FOXL2NB: variants seen among roughly 807,000 people sequenced by gnomAD.
FOXL2NB encodes the protein FOXL2 neighbor.
A neutral mutation model predicts 7.4 loss-of-function variants in FOXL2NB; 10 were observed. That is an observed-to-expected ratio of 1.34 (90% confidence interval 0.83 to 2.28). The LOEUF is 2.28. FOXL2NB is among the 30% of genes most tolerant of loss of function. FOXL2NB has a pLI of 0.00. For missense variants in FOXL2NB, 228 were observed against 233.9 expected (o/e 0.97, Z 0.17); for synonymous variants, 104 against 105.3 (o/e 0.99, Z 0.08).
rs1936015376 is a variant in FOXL2NB at position 138,947,553 on chromosome 3, AG to A, written c.100+94del. Reference sequence around the variant, plus strand: ...GGGGCTGGGGAGGGGCGAGACGGCGAGGGGGCTGGACGGGGTAGGGTGGGGA... The same window carrying A: ...GGGGCTGGGGAGGGGCGAGACGGCGAGGGGCTGGACGGGGTAGGGTGGGGA... On this transcript the variant is annotated intron_variant, in intron 1 of 2. Transcript: ENST00000383165. The surrounding 1 kb of genome is among the most constrained non-coding windows in gnomAD (Gnocchi z 5.2). The A allele has an allele frequency of 2.9e-6, 3 of 1,022,344 alleles. No individual in the cohort carries two copies. The South Asian group carries it at 4.6e-5, about 16-fold the overall frequency. The allele number at this position is 1,022,344 out of a possible 1,614,324, so 63.3% of individuals were successfully genotyped here.
rs1028208199 is a variant in FOXL2NB at position 138,949,242 on chromosome 3, GTCTT to G, written c.101-269_101-266del. 2.6e-5 allele frequency among the ~76,000 whole-genome samples: 4 copies of G among 151,268 alleles called. No individual in the cohort carries two copies. In the South Asian group the frequency reaches 6.3e-4, roughly 24 times the overall value. On this transcript the variant is annotated intron_variant, in intron 1 of 2. Transcript: ENST00000383165. This position sits in a 1 kb window ranked among gnomAD's most constrained non-coding sequence, Gnocchi z 4.5. ...CCAGGCTGGCTCTCTGCGTCTCTCTGTCTTTCTTTCTTCTTCTCACAGGCATTTC... is the reference window on the plus strand; with the variant it reads ...CCAGGCTGGCTCTCTGCGTCTCTCTGTCTTTCTTCTTCTCACAGGCATTTC...
chr3:138,948,376 T>G (rs1030767630), intron 1 of FOXL2NB, among the ~76,000 whole-genome samples: 3 of 152,250 alleles, frequency 2.0e-5, no homozygotes, highest in Non-Finnish European at 4.4e-5. Context: ...TATTTCAGCA[T>G]GTACAGAGAT....
chr3:138,950,665 C>T lies in FOXL2NB; in HGVS notation c.*93C>T. On this transcript the variant is annotated 3_prime_UTR_variant, in exon 3 of 3. Transcript: ENST00000383165. ...CCTTTGCACCCACACCTCAGGGACT[C>T]GGTGTCCCTCCACTCAGGTCACGTT... is the stretch of plus-strand genomic sequence containing the variant. The T allele has an allele frequency of 2.2e-6, 3 of 1,341,942 alleles. No individual in the cohort carries two copies. Among genetic ancestry groups the T allele is most frequent in the Non-Finnish European group, 3.1e-6 (3 of 955,140 alleles). 83.1% of individuals were successfully genotyped at this position (1,341,942 alleles called of 1,614,324 possible).
In FOXL2NB at chr3:138,950,250, C is replaced by G. The variant is rs546476690; in HGVS notation, c.221-15C>G. On this transcript the variant is annotated splice_polypyrimidine_tract_variant and intron_variant, in intron 2 of 2. Transcript: ENST00000383165. The stretch of plus-strand genomic sequence containing the variant: ...GCAATCTACACGGCTCTGATACAGA[C>G]GCTTTTCTCCCCAGGGCCGGGAATC... The G allele has an allele frequency of 8.1e-6, 13 of 1,601,804 alleles. No homozygotes were observed. Among genetic ancestry groups the G allele is most frequent in the South Asian group, 5.6e-5 (5 of 89,576 alleles).
rs1166721258 is a variant in FOXL2NB, at chr3:138,949,685, G to A, written c.220+46G>A. 2 of 1,613,204 alleles carry A rather than the reference G, an allele frequency of 1.2e-6. No homozygotes were observed. Among genetic ancestry groups the A allele is most frequent in the Non-Finnish European group, 1.7e-6 (2 of 1,179,710 alleles). The stretch of plus-strand genomic sequence containing the variant: ...AAGCTGGCAGAATGATTACTTTCAG[G>A]TCCCCTCCAGGCTTCTGCGGAAAAG... On this transcript the variant is annotated intron_variant, in intron 2 of 2. Coordinates refer to ENST00000383165, the MANE Select transcript of FOXL2NB (RefSeq NM_001040061.3). The surrounding 1 kb of genome is among the most constrained non-coding windows in gnomAD (Gnocchi z 4.5).
chr3:138,950,269 G>T lies in FOXL2NB; in HGVS notation c.225G>T (p.Pro75=). Residue 75 remains proline, a synonymous_variant, in exon 3 of 3, where the codon CCG becomes CCT. Coordinates refer to ENST00000383165, the MANE Select transcript of FOXL2NB (RefSeq NM_001040061.3). The part of the protein sequence containing the change: ...VRHSKAQKTG[P]GILQQRQKPP... ...TACAGACGCTTTTCTCCCCAGGGCC[G>T]GGAATCCTGCAACAGCGGCAGAAGC... 6.2e-7 allele frequency: 1 copy of T among 1,603,540 alleles called. No individual in the cohort carries two copies. Among genetic ancestry groups the T allele is most frequent in the Non-Finnish European group, 8.5e-7 (1 of 1,176,980 alleles).
At position 138,949,423 on chromosome 3, in the gene FOXL2NB, T is replaced by C. The variant is rs1576471960; in HGVS notation, c.101-97T>C. On this transcript the variant is annotated intron_variant, in intron 1 of 2. Transcript: ENST00000383165. This position sits in a 1 kb window ranked among gnomAD's most constrained non-coding sequence, Gnocchi z 4.5. ...GTGTGTGTGTGTGTGTGTGTAGGGGTTGGGGGCAAATGAAGGAGTTCCTCT... is the reference window on the plus strand; with the variant it reads ...GTGTGTGTGTGTGTGTGTGTAGGGGCTGGGGGCAAATGAAGGAGTTCCTCT... 1 of 1,353,596 alleles carries C rather than the reference T, an allele frequency of 7.4e-7. No individual in the cohort carries two copies. Among genetic ancestry groups the C allele is most frequent in the Non-Finnish European group, 1.0e-6 (1 of 987,454 alleles). 83.8% of individuals were successfully genotyped at this position (1,353,596 alleles called of 1,614,324 possible).
At position 138,950,394 on chromosome 3, in the gene FOXL2NB, G is replaced by A. The variant is rs201515778; in HGVS notation, c.350G>A (p.Arg117His). 1.9e-4 allele frequency: 304 copies of A among 1,613,188 alleles called. 1 individual carries two copies. The African/African-American group carries it at 3.7e-3, about 20-fold the overall frequency. ...TCGCTAGAACCACTCAGCTCGTCCC[G>A]CGCCGCCGCCGGCTGCCTGAACCAG... is the stretch of plus-strand genomic sequence containing the variant. ...SASLEPLSSS[R>H]AAAGCLNQVP... is the part of the protein sequence containing the mutation. Residue 117 changes from arginine to histidine, a missense_variant, in exon 3 of 3, where the codon CGC becomes CAC. Transcript: ENST00000383165.
Position 138,947,476 on chromosome 3 carries a change from C to T in FOXL2NB, c.100+12C>T. On this transcript the variant is annotated intron_variant, in intron 1 of 2. Coordinates refer to ENST00000383165, the MANE Select transcript of FOXL2NB (RefSeq NM_001040061.3). The surrounding 1 kb of genome is among the most constrained non-coding windows in gnomAD (Gnocchi z 5.2). Reference sequence around the variant, plus strand: ...CTCGCGGCTTTCAGGTGAAAGAAAACGACTCCTTTGCTCTGCCGTTTGCTG... The same window carrying T: ...CTCGCGGCTTTCAGGTGAAAGAAAATGACTCCTTTGCTCTGCCGTTTGCTG... 2.6e-6 allele frequency: 4 copies of T among 1,538,328 alleles called. No individual in the cohort carries two copies. Among genetic ancestry groups the T allele is most frequent in the Non-Finnish European group, 2.6e-6 (3 of 1,138,762 alleles).
chr3:138,950,482 G>A lies in FOXL2NB; in HGVS notation c.438G>A (p.Arg146=). 8 of 1,614,220 alleles carry A rather than the reference G, an allele frequency of 5.0e-6. No homozygotes were observed. The highest frequency in any genetic ancestry group is 6.8e-6 in the Non-Finnish European group (8 of 1,180,046). The change falls in exon 3 of 3, where the codon CGG becomes CGA. Residue 146 remains arginine, a synonymous_variant. Transcript: ENST00000383165. The part of the protein sequence containing the change: ...RNTRRLPAPE[R]ERIELAATLC... ...CCCGGCGGCTTCCCGCTCCTGAGCGGGAGAGAATAGAGCTTGCTGCAACCC... is the reference window on the plus strand; with the variant it reads ...CCCGGCGGCTTCCCGCTCCTGAGCGAGAGAGAATAGAGCTTGCTGCAACCC...
In FOXL2NB at chr3:138,947,389, G is replaced by T. The variant is rs1323424988; in HGVS notation, c.25G>T (p.Ala9Ser). MTRTPVGSARTRPKPRKLG... is the reference protein window; with the variant it reads MTRTPVGSSRTRPKPRKLG... The stretch of plus-strand genomic sequence containing the variant: ...GATGACGAGGACCCCGGTGGGGTCT[G>T]CCCGCACCCGGCCAAAGCCCAGGAA... The change falls in exon 1 of 3, where the codon GCC becomes TCC. Residue 9 changes from alanine (A) to serine (S), a missense_variant. Transcript: ENST00000383165. The surrounding 1 kb of genome is among the most constrained non-coding windows in gnomAD (Gnocchi z 5.2). The T allele has an allele frequency of 7.7e-6, 12 of 1,548,478 alleles. No individual in the cohort carries two copies. Among genetic ancestry groups the T allele is most frequent in the Non-Finnish European group, 9.6e-6 (11 of 1,145,944 alleles).
rs1424758139 is a variant in FOXL2NB, at chr3:138,951,825, C to T, written c.*1253C>T. 1 of 151,486 alleles carries T rather than the reference C, an allele frequency of 6.6e-6. No homozygotes were observed. 9.4% of individuals were successfully genotyped at this position (151,486 alleles called of 1,614,324 possible). ...GACTGTAAGCGCTGATGGGCAGAGA[C>T]TCTGCCCTCCACTTCTCACTCAGTG... On this transcript the variant is annotated 3_prime_UTR_variant, in exon 3 of 3. Coordinates refer to ENST00000383165, the MANE Select transcript of FOXL2NB (RefSeq NM_001040061.3).
Position 138,949,391 on chromosome 3 carries a change from C to CATGT in FOXL2NB, c.101-129_101-128insATGT, listed in dbSNP as rs1553753222. 1 of 718,542 alleles carries CATGT rather than the reference C, an allele frequency of 1.4e-6. No individual in the cohort carries two copies. The highest frequency in any genetic ancestry group is 1.9e-5 in the African/African-American group (1 of 52,718). The allele number at this position is 718,542 out of a possible 1,614,324, so 44.5% of individuals were successfully genotyped here. A position where few individuals can be genotyped will look rare whatever the true frequency, so the allele number is the denominator to read the frequency against. On this transcript the variant is annotated intron_variant, in intron 1 of 2. Transcript: ENST00000383165. The surrounding 1 kb of genome is among the most constrained non-coding windows in gnomAD (Gnocchi z 4.5). ...AAGAGCCTGTGTGTGTATGCATGTG[C>CATGT]GTGTGTGTGTGTGTGTGTGTGTGTG...
In FOXL2NB at chr3:138,949,623, G is replaced by C. The variant is rs754753810; in HGVS notation, c.204G>C (p.Ser68=). The C allele has an allele frequency of 1.3e-6, 2 of 1,552,078 alleles. No individual in the cohort carries two copies. Among genetic ancestry groups the C allele is most frequent in the South Asian group, 2.2e-5 (2 of 89,372 alleles). Residue 68 remains serine, a synonymous_variant, in exon 2 of 3, where the codon TCG becomes TCC. Transcript: ENST00000383165. This position sits in a 1 kb window ranked among gnomAD's most constrained non-coding sequence, Gnocchi z 4.5. ...GCCTTCACATGGCTGTCCGGCATTC[G>C]AAGGCTCAGAAAACAGGCAAGAAAA... ...KMCLHMAVRH[S]KAQKTGPGIL...
At position 138,950,413 on chromosome 3, in the gene FOXL2NB, G is replaced by A. The variant is rs1559924859; in HGVS notation, c.369G>A (p.Leu123=). 3 of 1,613,716 alleles carry A rather than the reference G, an allele frequency of 1.9e-6. No individual in the cohort carries two copies. Among genetic ancestry groups the A allele is most frequent in the African/African-American group, 1.3e-5 (1 of 75,064 alleles). ...LSSSRAAAGC[L]NQVPLSPFLA... ...CGTCCCGCGCCGCCGCCGGCTGCCT[G>A]AACCAGGTTCCGCTGTCCCCTTTCC... Residue 123 remains leucine (L), a synonymous_variant, in exon 3 of 3, where the codon CTG becomes CTA. Transcript: ENST00000383165.
Position 138,953,757 on chromosome 3 carries a change from C to T in FOXL2NB, c.*3185C>T, listed in dbSNP as rs1018838954. Among the ~76,000 whole-genome samples, 2 of 152,190 alleles carry T rather than the reference C, an allele frequency of 1.3e-5. No individual in the cohort carries two copies. The highest frequency in any genetic ancestry group is 2.9e-5 in the Non-Finnish European group (2 of 68,042). ...TTGGATTTCTATCACCATAAATAAC[C>T]TTTGCCTGCCTTGAGCCTCGTATAA... On this transcript the variant is annotated 3_prime_UTR_variant, in exon 3 of 3. Coordinates refer to ENST00000383165, the MANE Select transcript of FOXL2NB (RefSeq NM_001040061.3).
In FOXL2NB at chr3:138,949,548, G is replaced by A; in HGVS notation, c.129G>A (p.Met43Ile). Residue 43 changes from methionine (M) to isoleucine (I), a missense_variant, in exon 2 of 3, where the codon ATG becomes ATA. Coordinates refer to ENST00000383165, the MANE Select transcript of FOXL2NB (RefSeq NM_001040061.3). The surrounding 1 kb of genome is among the most constrained non-coding windows in gnomAD (Gnocchi z 4.5). ...SESPALVKKR[M>I]PDACTLGRAG... ...CCCCAGCCCTGGTGAAGAAGAGGATGCCTGATGCGTGCACCCTGGGAAGGG... is the reference window on the plus strand; with the variant it reads ...CCCCAGCCCTGGTGAAGAAGAGGATACCTGATGCGTGCACCCTGGGAAGGG... 1 of 1,614,168 alleles carries A rather than the reference G, an allele frequency of 6.2e-7. No individual in the cohort carries two copies. Among genetic ancestry groups the A allele is most frequent in the Admixed American group, 1.7e-5 (1 of 60,032 alleles).
Position 138,947,482 on chromosome 3 carries a change from C to T in FOXL2NB, c.100+18C>T, listed in dbSNP as rs1467993305. The T allele has an allele frequency of 6.5e-7, 1 of 1,531,022 alleles. No homozygotes were observed. The highest frequency in any genetic ancestry group is 1.2e-5 in the South Asian group (1 of 83,022). The allele number at this position is 1,531,022 out of a possible 1,614,324, so 94.8% of individuals were successfully genotyped here. A position where few individuals can be genotyped will look rare whatever the true frequency, so the allele number is the denominator to read the frequency against. Reference sequence around the variant, plus strand: ...GCTTTCAGGTGAAAGAAAACGACTCCTTTGCTCTGCCGTTTGCTGCCGTCT... The same window carrying T: ...GCTTTCAGGTGAAAGAAAACGACTCTTTTGCTCTGCCGTTTGCTGCCGTCT... On this transcript the variant is annotated intron_variant, in intron 1 of 2. Coordinates refer to ENST00000383165, the MANE Select transcript of FOXL2NB (RefSeq NM_001040061.3). This position sits in a 1 kb window ranked among gnomAD's most constrained non-coding sequence, Gnocchi z 5.2.
In FOXL2NB at chr3:138,952,817, C is replaced by G. The variant is rs948091975; in HGVS notation, c.*2245C>G. The G allele has an allele frequency of 6.6e-6, 1 of 151,798 alleles. No homozygotes were observed. Among genetic ancestry groups the G allele is most frequent in the African/African-American group, 2.4e-5 (1 of 41,258 alleles). The allele number at this position is 151,798 out of a possible 1,614,324, so 9.4% of individuals were successfully genotyped here. A position where few individuals can be genotyped will look rare whatever the true frequency, so the allele number is the denominator to read the frequency against. ...GTGTTGGGATTACAGGTGTGAGCCA[C>G]CATGCCCAGTCAGTTTTTTATTTTT... On this transcript the variant is annotated 3_prime_UTR_variant, in exon 3 of 3. Transcript: ENST00000383165.
Sources: allele counts gnomAD v4.1 joint callset (sites outside exome capture counted in the v4.1 genomes callset), GRCh38; gene constraint gnomAD v4.1.1; non-coding constraint Gnocchi (gnomAD v3.1); transcripts MANE v1.5; gene names NCBI Gene and HGNC (gene_info 2026-07-23, HGNC 2026-07-21).